COL13A1: variants seen among roughly 807,000 people sequenced by gnomAD.
The protein encoded by COL13A1 is collagen alpha-1(XIII) chain.
In COL13A1, 89 loss-of-function variants were observed where a neutral mutation model predicts 130.9. The observed-to-expected ratio is 0.68, with a 90% CI of 0.57 to 0.81. The LOEUF is 0.81. COL13A1 is among the 30% of genes least tolerant of loss of function. The probability of loss-of-function intolerance (pLI) is 0.00; values close to 1 mark genes in which losing one functional copy is unlikely to be tolerated. For missense variants in COL13A1, 879 were observed against 934.6 expected, an observed-to-expected ratio of 0.94 and a Z score of 0.78; for synonymous variants, 402 against 341.6, an observed-to-expected ratio of 1.18 and a Z score of -1.95.
chr10:69,878,335 G>A (rs766902822), intron 6 of COL13A1, among the ~76,000 whole-genome samples: 13 of 152,164 alleles, frequency 8.5e-5, no homozygotes, highest in South Asian at 2.1e-4. Context: ...AGGCCTCATC[G>A]CTCTGGCCAA....
intron 2 of COL13A1, among the ~76,000 whole-genome samples, chr10:69,858,595 G>C (rs1263103711): frequency 6.6e-6 from 1 of 152,178 alleles, no homozygotes; most frequent in Non-Finnish European, 1.5e-5. Context: ...TCCTAAGATG[G>C]GCAGTGTCTG....
chr10:69,944,923 G>A (rs2068246815), intron 36 of COL13A1, among the ~76,000 whole-genome samples: 1 of 152,226 alleles, frequency 6.6e-6, no homozygotes, highest in Admixed American at 6.5e-5. Flanking sequence ...AAGTCAGGAG[G>A]CCAGAGCCAT....
At chr10:69,808,337 A>G (rs1362419993) in intron 1 of COL13A1, among the ~76,000 whole-genome samples, 1 of 151,748 alleles carries the variant, frequency 6.6e-6, no homozygotes, top group Non-Finnish European at 1.5e-5. Flanking sequence ...TCCTCGAACC[A>G]CTCCAACCCA....
chr10:69,864,197 C>T (rs1311575642), intron 2 of COL13A1, among the ~76,000 whole-genome samples: 2 of 144,620 alleles, frequency 1.4e-5, no homozygotes, highest in Admixed American at 1.4e-4. Flanking sequence ...GGTTCCAAGT[C>T]TATGGAAGGG....
Position 69,919,097 on chromosome 10 carries a change from G to A in COL13A1, c.1026+9G>A, listed in dbSNP as rs150023969. 272 of 1,614,024 alleles carry A rather than the reference G, an allele frequency of 1.7e-4. 4 individuals carry two copies. In the East Asian group the frequency reaches 6.0e-3, roughly 36 times the overall value. On this transcript the variant is annotated intron_variant, in intron 20 of 40. Transcript: ENST00000645393. ...GGATCCCAGGAACCAAGGTACTGAT[G>A]CAGAGAGAATGTTCCGGGCTGCACA...
chr10:69,918,357 G>A (rs1407887406), intron 19 of COL13A1, 40 bp downstream of exon 19: 33 of 1,606,628 alleles, frequency 2.1e-5, no homozygotes, highest in Non-Finnish European at 2.8e-5. Context: ...GGGACAGGGT[G>A]GGAGAGAAGA....
At chr10:69,805,462 C>T (rs1051538648) in intron 1 of COL13A1, among the ~76,000 whole-genome samples, 1 of 152,042 alleles carries the variant, frequency 6.6e-6, no homozygotes, top group East Asian at 1.9e-4. Flanking sequence ...GGAGGGACAC[C>T]CTAGGGTTGG....
intron 2 of COL13A1, among the ~76,000 whole-genome samples, chr10:69,827,032 C>T (rs3858151): frequency 0.024 from 3,645 of 152,224 alleles, 160 homozygotes; most frequent in African/African-American, 0.084. Flanking sequence ...TCATGGGTGG[C>T]GATATGCCCA....
chr10:69,887,533 T>G (rs759183258), intron 8 of COL13A1, 42 bp downstream of exon 8: 20 of 1,609,198 alleles, frequency 1.2e-5, no homozygotes, highest in Non-Finnish European at 1.6e-5. Flanking sequence ...CCAGGTGGTC[T>G]GTAGGCCTGA....
chr10:69,856,692 C>T (rs2133706347), intron 2 of COL13A1, among the ~76,000 whole-genome samples: 1 of 152,276 alleles, frequency 6.6e-6, no homozygotes, highest in East Asian at 1.9e-4. Flanking sequence ...ACTGTCGATG[C>T]CTTTTGGATG....
chr10:69,947,659 C>T (rs10999042), intron 38 of COL13A1, among the ~76,000 whole-genome samples: 3,913 of 152,252 alleles, frequency 0.026, 100 homozygotes, highest in South Asian at 0.11. Flanking sequence ...TGGGCCCCTA[C>T]GTGATCATTT....
intron 21 of COL13A1, among the ~76,000 whole-genome samples, chr10:69,921,371 T>C (rs1478990476): frequency 6.6e-6 from 1 of 152,172 alleles, no homozygotes; most frequent in Non-Finnish European, 1.5e-5. Flanking sequence ...TCATCCTAAC[T>C]CATTACATTT....
intron 14 of COL13A1, among the ~76,000 whole-genome samples, 199 bp from the exon 15 acceptor site, chr10:69,902,546 GTTC>G (rs2062304679): frequency 6.6e-6 from 1 of 152,130 alleles, no homozygotes; most frequent in African/African-American, 2.4e-5. Context: ...ACATCTTGGC[GTTC>G]TTCTCACTGC....
At chr10:69,847,866 G>T (rs1279956360) in intron 2 of COL13A1, among the ~76,000 whole-genome samples, 3 of 152,366 alleles carry the variant, frequency 2.0e-5, no homozygotes, top group Middle Eastern at 6.8e-3. Context: ...GGTCCTCAGT[G>T]GATGTGGGGC....
At chr10:69,858,124 A>AT (rs1165152919) in intron 2 of COL13A1, among the ~76,000 whole-genome samples, 1 of 151,242 alleles carries the variant, frequency 6.6e-6, no homozygotes, top group Non-Finnish European at 1.5e-5. Flanking sequence ...TCAAAAAAAA[A>AT]AAAAAAAAAA....
rs138440998 is a variant in COL13A1 at position 69,906,464 on chromosome 10, T to C, written c.921+642T>C. Reference sequence around the variant, plus strand: ...CTGGCTGTGGGCTGGGGGGCCCTGTTCTCCACATGGCCTCTTATCCTCCAG... The same window carrying C: ...CTGGCTGTGGGCTGGGGGGCCCTGTCCTCCACATGGCCTCTTATCCTCCAG... On this transcript the variant is annotated intron_variant, in intron 17 of 40. Transcript: ENST00000645393. 4.8e-3 allele frequency among the ~76,000 whole-genome samples: 735 copies of C among 152,230 alleles called. 6 individuals are homozygous for C. Among genetic ancestry groups the C allele is most frequent in the South Asian group, 0.024 (115 of 4,818 alleles).
chr10:69,890,416 C>T (rs2061056607), intron 10 of COL13A1, among the ~76,000 whole-genome samples: 1 of 152,250 alleles, frequency 6.6e-6, no homozygotes, highest in African/African-American at 2.4e-5. Flanking sequence ...TCCTAAGATC[C>T]AGGTCGCACC....
intron 35 of COL13A1, among the ~76,000 whole-genome samples, chr10:69,943,788 C>T (rs1480125860): frequency 2.0e-5 from 3 of 152,240 alleles, no homozygotes; most frequent in Admixed American, 1.3e-4. Flanking sequence ...GCCCCCGGCC[C>T]CTGCCCCGGG....
At chr10:69,886,967 G>A (rs1038457396) in intron 7 of COL13A1, among the ~76,000 whole-genome samples, 1 of 152,200 alleles carries the variant, frequency 6.6e-6, no homozygotes, top group African/African-American at 2.4e-5. Context: ...AGAGGAACAG[G>A]AGCAATCTGA....
Sources: allele counts gnomAD v4.1 joint callset (sites outside exome capture counted in the v4.1 genomes callset), GRCh38; gene constraint gnomAD v4.1.1; transcripts MANE v1.5; gene names NCBI Gene and HGNC (gene_info 2026-07-23, HGNC 2026-07-21).